The following CCSER1 variants were observed in gnomAD, a reference collection of about 807,000 sequenced individuals.
The protein encoded by CCSER1 is coiled-coil serine rich protein 1.
A neutral mutation model predicts 82.0 loss-of-function variants in CCSER1; 41 were observed. The ratio of observed to expected loss-of-function variants is 0.50; its 90% CI spans 0.39 to 0.65. The LOEUF is 0.65. Ranked by LOEUF, CCSER1 falls within the 30% of genes least tolerant of loss-of-function variation. The probability of loss-of-function intolerance (pLI) is 0.00; values close to 1 mark genes in which losing one functional copy is unlikely to be tolerated. For synonymous variants in CCSER1, 414 were observed against 383.9 expected (o/e 1.08, Z -0.92); for missense variants, 1,119 against 1,064.2 (o/e 1.05, Z -0.72).
intron 5 of CCSER1, among the ~76,000 whole-genome samples, chr4:90,486,108 T>C (rs1307238811): frequency 6.6e-6 from 1 of 152,208 alleles, no homozygotes; most frequent in East Asian, 1.9e-4. Context: ...TTTTCCTTGA[T>C]AGTCAAATAA....
At chr4:90,854,594 A>T (rs1156386302) in intron 8 of CCSER1, among the ~76,000 whole-genome samples, 2 of 152,168 alleles carry the variant, frequency 1.3e-5, no homozygotes, top group Non-Finnish European at 2.9e-5. Flanking sequence ...TTTGGCCTGA[A>T]TACTCCACTT....
chr4:91,418,931 T>C (rs770198914), intron 10 of CCSER1, among the ~76,000 whole-genome samples: 1 of 152,084 alleles, frequency 6.6e-6, no homozygotes, highest in Non-Finnish European at 1.5e-5. Flanking sequence ...GGTACAAGTA[T>C]GGTTCAACAT....
intron 10 of CCSER1, among the ~76,000 whole-genome samples, chr4:91,101,677 C>T (rs1047431479): frequency 3.3e-5 from 5 of 150,860 alleles, no homozygotes; most frequent in African/African-American, 1.2e-4. Context: ...AACCCTCTAC[C>T]TCCAAGCAAA....
intron 6 of CCSER1, among the ~76,000 whole-genome samples, chr4:90,703,382 T>C (rs1054813073): frequency 9.2e-5 from 14 of 152,198 alleles, no homozygotes; most frequent in Non-Finnish European, 1.8e-4. Flanking sequence ...TGAGGAGTGC[T>C]TTACTTCCAA....
At chr4:90,478,482 G>A (rs1487898319) in intron 5 of CCSER1, among the ~76,000 whole-genome samples, 1 of 152,114 alleles carries the variant, frequency 6.6e-6, no homozygotes, top group African/African-American at 2.4e-5. Flanking sequence ...AATTAGGGTT[G>A]TAAACTATTG....
chr4:91,119,934 G>A (rs763464588), intron 10 of CCSER1, among the ~76,000 whole-genome samples: 3 of 151,918 alleles, frequency 2.0e-5, no homozygotes, highest in African/African-American at 7.2e-5. Flanking sequence ...TGGAAAAGTG[G>A]AGGGTTTACA....
chr4:91,107,590 A>G (rs1431278905), intron 10 of CCSER1, among the ~76,000 whole-genome samples: 3 of 150,444 alleles, frequency 2.0e-5, no homozygotes, highest in African/African-American at 7.3e-5. Flanking sequence ...GATGGTAATT[A>G]TGCTTTAGTA....
At chr4:90,597,987 C>T (rs988231894) in intron 5 of CCSER1, among the ~76,000 whole-genome samples, 14 of 151,816 alleles carry the variant, frequency 9.2e-5, no homozygotes, top group Admixed American at 3.3e-4. Flanking sequence ...TTTTTTTAAA[C>T]GCTGAGTAAT....
chr4:90,858,136 G>A (rs1205051043), intron 8 of CCSER1, among the ~76,000 whole-genome samples: 1 of 152,006 alleles, frequency 6.6e-6, no homozygotes, highest in African/African-American at 2.4e-5. Flanking sequence ...CCCATTTCTA[G>A]CTTATTAGAT....
Position 90,300,326 on chromosome 4 carries a change from T to C in CCSER1, c.-41-7918T>C, listed in dbSNP as rs10020838. 6.0e-3 allele frequency among the ~76,000 whole-genome samples: 916 copies of C among 152,240 alleles called. 8 individuals are homozygous for C. The highest frequency in any genetic ancestry group is 0.021 in the African/African-American group (888 of 41,554). On this transcript the variant is annotated intron_variant, in intron 1 of 10. Transcript: ENST00000509176. Reference sequence around the variant, plus strand: ...AACTATTCTAAGAGCTACACCACCATGTACCTCTTGTTTGAATATATTTCC... The same window carrying C: ...AACTATTCTAAGAGCTACACCACCACGTACCTCTTGTTTGAATATATTTCC...
chr4:90,359,259 A>AT (rs1744874068), intron 3 of CCSER1, among the ~76,000 whole-genome samples: 2 of 152,204 alleles, frequency 1.3e-5, no homozygotes, highest in Non-Finnish European at 2.9e-5. Context: ...AGCAATTTAA[A>AT]TAAAAATAGT....
chr4:91,568,493 T>C (rs1032154960), intron 10 of CCSER1, among the ~76,000 whole-genome samples: 33 of 152,330 alleles, frequency 2.2e-4, no homozygotes, highest in African/African-American at 6.7e-4. Context: ...CAGTGATTCA[T>C]TGATTTGGCC....
At chr4:90,154,968 G>A (rs1378994807) in intron 1 of CCSER1, among the ~76,000 whole-genome samples, 1 of 152,238 alleles carries the variant, frequency 6.6e-6, no homozygotes, top group African/African-American at 2.4e-5. Flanking sequence ...AGTTTTCAAA[G>A]GGAATGCTTT....
chr4:90,357,066 T>C (rs1469236128), intron 3 of CCSER1, among the ~76,000 whole-genome samples: 1 of 151,886 alleles, frequency 6.6e-6, no homozygotes, highest in Non-Finnish European at 1.5e-5. Flanking sequence ...TTTAACTCAA[T>C]AGAAAAAGAA....
chr4:91,174,318 T>C (rs913651369), intron 10 of CCSER1, among the ~76,000 whole-genome samples: 8 of 152,260 alleles, frequency 5.3e-5, no homozygotes, highest in African/African-American at 1.9e-4. Flanking sequence ...TAATATACTG[T>C]ACATTTTTAA....
intron 5 of CCSER1, among the ~76,000 whole-genome samples, chr4:90,574,340 C>A (rs377604): frequency 6.9e-6 from 1 of 144,628 alleles, no homozygotes; most frequent in South Asian, 2.2e-4. Flanking sequence ...GCAATCTCGG[C>A]TCACTGCAAG....
At chr4:90,633,659 T>C (rs748238127) in intron 6 of CCSER1, among the ~76,000 whole-genome samples, 4 of 151,966 alleles carry the variant, frequency 2.6e-5, no homozygotes, top group Non-Finnish European at 5.9e-5. Flanking sequence ...TAAATCATTA[T>C]AAAACCACAA....
At chr4:90,297,394 C>A (rs1732170073) in intron 1 of CCSER1, among the ~76,000 whole-genome samples, 1 of 151,822 alleles carries the variant, frequency 6.6e-6, no homozygotes, top group East Asian at 1.9e-4. Flanking sequence ...AGATTTTGGG[C>A]TGAGACAGTG....
intron 5 of CCSER1, among the ~76,000 whole-genome samples, chr4:90,512,091 G>A (rs868426960): frequency 7.2e-5 from 11 of 152,070 alleles, no homozygotes; most frequent in Admixed American, 1.3e-4. Context: ...ATATTTTTCC[G>A]TAGATATGTG....
Sources: gnomAD v4.1 joint callset for allele counts (sites outside exome capture counted in the v4.1 genomes callset) on GRCh38, gnomAD v4.1.1 for gene constraint, MANE v1.5 for transcripts, NCBI Gene and HGNC (gene_info 2026-07-23, HGNC 2026-07-21) for gene names.